TRPS1: variants seen among roughly 807,000 people sequenced by gnomAD.
TRPS1 encodes zinc finger transcription factor Trps1.
TRPS1 carries 6 observed loss-of-function variants against 101.2 expected under a neutral mutation model. The ratio of observed to expected loss-of-function variants is 0.06; its 90% CI spans 0.03 to 0.12. The LOEUF (loss-of-function observed/expected upper bound fraction) is 0.12, where lower values mean the gene tolerates loss of function less well. Among genes scored for constraint, TRPS1 ranks in the 10% least tolerant of loss-of-function variants. TRPS1 has a pLI of 1.00. For missense variants in TRPS1, 1,363 were observed against 1,567.0 expected (o/e 0.87, Z 2.20); for synonymous variants, 578 against 589.8 (o/e 0.98, Z 0.29).
chr8:115,609,021 A>G (rs1554597057), intron 3 of TRPS1, among the ~76,000 whole-genome samples: 1 of 151,886 alleles, frequency 6.6e-6, no homozygotes, highest in Non-Finnish European at 1.5e-5. Flanking sequence ...TAATTTTTGT[A>G]TTTTTTGTGG....
At chr8:115,648,246 A>C (rs1018638369) in intron 1 of TRPS1, among the ~76,000 whole-genome samples, 2 of 149,370 alleles carry the variant, frequency 1.3e-5, no homozygotes, top group Admixed American at 1.3e-4. Context: ...AGCGGGCAGG[A>C]GGCGGCCTCC....
intron 5 of TRPS1, among the ~76,000 whole-genome samples, chr8:115,475,250 T>C (rs1300537670): frequency 3.6e-5 from 5 of 140,002 alleles, no homozygotes; most frequent in Non-Finnish European, 7.6e-5. Context: ...TTTTACTATA[T>C]ATTTTTGAAT....
intron 5 of TRPS1, among the ~76,000 whole-genome samples, chr8:115,436,922 T>C (rs1563730357): frequency 7.3e-6 from 1 of 137,012 alleles, no homozygotes; most frequent in African/African-American, 2.5e-5. Flanking sequence ...AGTAAAGCAG[T>C]AAAAAATAAA....
chr8:115,414,933 G>A lies in TRPS1; in HGVS notation c.2975C>T (p.Pro992Leu), dbSNP rs1423415894. Reference protein sequence around the residue: ...GSNEEQVNGSPLERRSEDHLT... With the variant: ...GSNEEQVNGSLLERRSEDHLT... ...ATGATCTTCTGACCTCCTCTCTAAC[G>A]GGCTTCCATTGACTTGCTCCTCATT... Residue 992 changes from proline to leucine, a missense_variant, in exon 7 of 7, where the codon CCG becomes CTG. By Grantham distance (98) the Pro-to-Leu change is moderately conservative. Coordinates refer to ENST00000395715, the MANE Select transcript of TRPS1 (RefSeq NM_014112.5). This position sits in a 1 kb window ranked among gnomAD's most constrained non-coding sequence, Gnocchi z 4.8. The A allele has an allele frequency of 1.9e-6, 3 of 1,600,274 alleles. No individual in the cohort carries two copies. The highest frequency in any genetic ancestry group is 3.4e-5 in the Admixed American group (2 of 58,402).
chr8:115,509,957 G>A (rs1009851107), intron 5 of TRPS1, among the ~76,000 whole-genome samples: 6 of 151,914 alleles, frequency 3.9e-5, no homozygotes, highest in African/African-American at 1.5e-4. Flanking sequence ...TATTGCAGTA[G>A]GATTAACCTG....
At chr8:115,450,180 AAAATT>A (rs1813833070) in intron 5 of TRPS1, among the ~76,000 whole-genome samples, 1 of 152,196 alleles carries the variant, frequency 6.6e-6, no homozygotes, top group Non-Finnish European at 1.5e-5. Flanking sequence ...AACCTGATTA[AAAATT>A]TAAGTAAGTT....
At position 115,498,431 on chromosome 8, in the gene TRPS1, A is replaced by C. The variant is rs867019108; in HGVS notation, c.2701-79979T>G. 7.4e-3 allele frequency among the ~76,000 whole-genome samples: 929 copies of C among 125,676 alleles called. 4 individuals are homozygous for C. Among genetic ancestry groups the C allele is most frequent in the African/African-American group, 0.019 (617 of 32,442 alleles). The allele number at this position is 125,676 out of a possible 152,430, so 82.4% of individuals were successfully genotyped here. A position where few individuals can be genotyped will look rare whatever the true frequency, so the allele number is the denominator to read the frequency against. ...TCTCTCTCTCTATATATATATATAT[A>C]TATATATATATATATATATAGTTGA... On this transcript the variant is annotated intron_variant, in intron 5 of 6. Transcript: ENST00000395715.
At chr8:115,562,219 G>C (rs972439034) in intron 5 of TRPS1, among the ~76,000 whole-genome samples, 3 of 151,886 alleles carry the variant, frequency 2.0e-5, no homozygotes, top group Non-Finnish European at 4.4e-5. Flanking sequence ...TAATTCTGTA[G>C]AGCCATTTAA....
intron 4 of TRPS1, 92 bp downstream of exon 4, chr8:115,603,781 C>T: frequency 6.8e-7 from 1 of 1,464,222 alleles, no homozygotes; most frequent in African/African-American, 1.4e-5. Flanking sequence ...ATTGGAATCA[C>T]TCTCAACAAT....
rs117452804 is a variant in TRPS1, at chr8:115,420,390, C to T, written c.2701-1938G>A. On this transcript the variant is annotated intron_variant, in intron 5 of 6. Transcript: ENST00000395715. ...AGTTAAGTTATAATTGTGAAACTTTCCTGGGGCTATCCTGTCATTTTCCTA... is the reference window on the plus strand; with the variant it reads ...AGTTAAGTTATAATTGTGAAACTTTTCTGGGGCTATCCTGTCATTTTCCTA... Among the ~76,000 whole-genome samples, 785 of 152,268 alleles carry T rather than the reference C, an allele frequency of 5.2e-3. 1 individual carries two copies. The highest frequency in any genetic ancestry group is 0.01 in the Middle Eastern group (3 of 294).
intron 5 of TRPS1, among the ~76,000 whole-genome samples, chr8:115,436,114 A>G (rs1813446672): frequency 6.6e-6 from 1 of 151,098 alleles, no homozygotes; most frequent in African/African-American, 2.4e-5. Context: ...TCATAACTCT[A>G]TCTTTTATTT....
intron 5 of TRPS1, among the ~76,000 whole-genome samples, chr8:115,430,371 T>C (rs1464395840): frequency 1.3e-5 from 2 of 152,144 alleles, no homozygotes; most frequent in Non-Finnish European, 2.9e-5. Context: ...GTGCTTTGCA[T>C]ATAGTGGGCA....
intron 5 of TRPS1, among the ~76,000 whole-genome samples, chr8:115,488,142 T>G (rs1413425150): frequency 6.6e-6 from 1 of 152,196 alleles, no homozygotes; most frequent in Non-Finnish European, 1.5e-5. Flanking sequence ...GACAAATGAC[T>G]ATGACTCCTT....
At chr8:115,603,829 A>C in intron 4 of TRPS1, 44 bp downstream of exon 4, 1 of 1,607,812 alleles carries the variant, frequency 6.2e-7, no homozygotes, top group South Asian at 1.1e-5. Flanking sequence ...TTTTTCTATT[A>C]TTTTATTTGT....
At chr8:115,435,496 G>A (rs1166626958) in intron 5 of TRPS1, among the ~76,000 whole-genome samples, 2 of 152,144 alleles carry the variant, frequency 1.3e-5, no homozygotes, top group Non-Finnish European at 2.9e-5. Context: ...GAGGTCCTCA[G>A]GGAAGAGGTG....
At chr8:115,504,898 A>G (rs1815404074) in intron 5 of TRPS1, among the ~76,000 whole-genome samples, 1 of 152,188 alleles carries the variant, frequency 6.6e-6, no homozygotes, top group Non-Finnish European at 1.5e-5. Context: ...CTGTAACACC[A>G]TCACAGGATA....
intron 5 of TRPS1, among the ~76,000 whole-genome samples, chr8:115,455,166 C>G (rs1813985154): frequency 6.6e-6 from 1 of 152,178 alleles, no homozygotes; most frequent in Non-Finnish European, 1.5e-5. Flanking sequence ...TTAACAGGCA[C>G]ATATTGCCAC....
intron 5 of TRPS1, among the ~76,000 whole-genome samples, chr8:115,446,294 G>A (rs1813733141): frequency 1.3e-5 from 2 of 148,360 alleles, no homozygotes; most frequent in South Asian, 2.1e-4. Flanking sequence ...ATTACTCTTC[G>A]CTTCCACCAT....
At position 115,653,683 on chromosome 8, in the gene TRPS1, C is replaced by CA. The variant is rs200195553; in HGVS notation, c.-122+14861dup. Among the ~76,000 whole-genome samples, 215 of 150,564 alleles carry CA rather than the reference C, an allele frequency of 1.4e-3. 2 individuals carry two copies. Among genetic ancestry groups the CA allele is most frequent in the Non-Finnish European group, 2.3e-3 (153 of 67,528 alleles). On this transcript the variant is annotated intron_variant, in intron 1 of 6. Transcript: ENST00000395715. The stretch of plus-strand genomic sequence containing the variant: ...AAAACAACCAAAAAAGAAAACAAAA[C>CA]AAAACAAAAAAGACAAGGCTGCCTT...
Sources: gnomAD v4.1 joint callset for allele counts (sites outside exome capture counted in the v4.1 genomes callset) on GRCh38, gnomAD v4.1.1 for gene constraint, Gnocchi (gnomAD v3.1) non-coding constraint, MANE v1.5 for transcripts, NCBI Gene and HGNC (gene_info 2026-07-23, HGNC 2026-07-21) for gene names.